The following NRXN3 variants were observed in gnomAD, a reference collection of about 807,000 sequenced individuals.
The protein encoded by NRXN3 is neurexin 3, also known as neurexin III.
In NRXN3, 32 loss-of-function variants were observed where a neutral mutation model predicts 137.6. That is an observed-to-expected ratio of 0.23 (90% CI 0.18 to 0.31). The LOEUF is 0.31. Ranked by LOEUF, NRXN3 falls within the 10% of genes least tolerant of loss-of-function variation. NRXN3 has a pLI of 1.00. For synonymous variants in NRXN3, 798 were observed against 784.5 expected (o/e 1.02, Z -0.29); for missense variants, 1,574 against 2,062.5 (o/e 0.76, Z 4.59).
rs141970962 is a variant in NRXN3, at chr14:78,519,032, G to T, written c.758-126088G>T. Among the ~76,000 whole-genome samples, 443 of 152,190 alleles carry T rather than the reference G, an allele frequency of 2.9e-3. 2 individuals are homozygous for T. Among genetic ancestry groups the T allele is most frequent in the African/African-American group, 0.01 (420 of 41,518 alleles). Reference sequence around the variant, plus strand: ...AGCCTATAAAGAAATATTCCTTTCAGATAGACTCTAGTATATAATATCATT... The same window carrying T: ...AGCCTATAAAGAAATATTCCTTTCATATAGACTCTAGTATATAATATCATT... On this transcript the variant is annotated intron_variant, in intron 4 of 20. Coordinates refer to ENST00000335750, the MANE Select transcript of NRXN3 (RefSeq NM_001330195.2).
Position 79,861,916 on chromosome 14 carries a change from G to A in NRXN3, c.4668G>A (p.Lys1556=), listed in dbSNP as rs1464752245. 1.2e-6 allele frequency: 2 copies of A among 1,613,770 alleles called. No homozygotes were observed. The highest frequency in any genetic ancestry group is 1.3e-5 in the African/African-American group (1 of 74,898). ...TLMKEKQQSS[K]SGHKKQKNKD... is the part of the protein sequence containing the mutation. ...TGAAGGAGAAGCAGCAGAGCTCGAA[G>A]AGCGGCCACAAGAAACAGAAAAACA... is the stretch of plus-strand genomic sequence containing the variant. The change falls in exon 21 of 21, where the codon AAG becomes AAA. Residue 1556 remains lysine, a synonymous_variant. Coordinates refer to ENST00000335750, the MANE Select transcript of NRXN3 (RefSeq NM_001330195.2). The surrounding 1 kb of genome is among the most constrained non-coding windows in gnomAD (Gnocchi z 5.4).
intron 4 of NRXN3, among the ~76,000 whole-genome samples, chr14:78,388,866 T>C (rs2090358324): frequency 6.6e-6 from 1 of 152,084 alleles, no homozygotes. Context: ...ATAGTCTTTA[T>C]TATTAATTAT....
intron 15 of NRXN3, among the ~76,000 whole-genome samples, chr14:79,000,611 C>T (rs2099539478): frequency 2.0e-5 from 3 of 152,128 alleles, no homozygotes; most frequent in Admixed American, 2.0e-4. Context: ...GTTCTTTCTC[C>T]TCTCCCTATC....
intron 15 of NRXN3, among the ~76,000 whole-genome samples, chr14:79,095,042 G>A (rs943807346): frequency 6.8e-6 from 1 of 147,338 alleles, no homozygotes; most frequent in Non-Finnish European, 1.5e-5. Context: ...CATCAAAATG[G>A]ACAGGTCATT....
At chr14:79,079,987 CAAAAG>C (rs968260246) in intron 15 of NRXN3, among the ~76,000 whole-genome samples, 1 of 151,984 alleles carries the variant, frequency 6.6e-6, no homozygotes, top group Admixed American at 6.6e-5. Flanking sequence ...GACTCCATCT[CAAAAG>C]AAAAAGTCAA....
intron 19 of NRXN3, among the ~76,000 whole-genome samples, chr14:79,770,086 T>C (rs2099071810): frequency 1.3e-5 from 2 of 151,628 alleles, no homozygotes; most frequent in South Asian, 2.1e-4. Context: ...ATCCTAAATA[T>C]ATATGCACCC....
At chr14:79,077,308 C>CG (rs912209173) in intron 15 of NRXN3, among the ~76,000 whole-genome samples, 23 of 152,164 alleles carry the variant, frequency 1.5e-4, no homozygotes, top group African/African-American at 4.8e-4. Flanking sequence ...ATAGAGCACA[C>CG]GGTGTGTTTA....
At chr14:79,158,944 CA>C (rs1441291525) in intron 15 of NRXN3, among the ~76,000 whole-genome samples, 1 of 151,772 alleles carries the variant, frequency 6.6e-6, no homozygotes, top group Non-Finnish European at 1.5e-5. Flanking sequence ...AAAACTCTCA[CA>C]AAATTGCTCG....
chr14:78,496,294 A>G (rs2095784394), intron 4 of NRXN3, among the ~76,000 whole-genome samples: 1 of 152,198 alleles, frequency 6.6e-6, no homozygotes, highest in Non-Finnish European at 1.5e-5. Flanking sequence ...AGCCTACAAA[A>G]TTTCTTCAGA....
chr14:78,754,486 T>C (rs2098658517), intron 8 of NRXN3, among the ~76,000 whole-genome samples: 1 of 152,240 alleles, frequency 6.6e-6, no homozygotes, highest in South Asian at 2.1e-4. Flanking sequence ...ACATATTTTC[T>C]CAAACACAAA....
rs566660795 is a variant in NRXN3, at chr14:78,255,563, A to G, written c.709+11761A>G. Among the ~76,000 whole-genome samples, 57 of 152,230 alleles carry G rather than the reference A, an allele frequency of 3.7e-4. No individual in the cohort carries two copies. In the Middle Eastern group the frequency reaches 0.01, roughly 27 times the overall value. On this transcript the variant is annotated intron_variant, in intron 2 of 20. Coordinates refer to ENST00000335750, the MANE Select transcript of NRXN3 (RefSeq NM_001330195.2). Reference sequence around the variant, plus strand: ...TCTCTTGGCTCCCTTTGGCTTTTCTATCCTTAATGCAAGTTGCGATTGCTC... The same window carrying G: ...TCTCTTGGCTCCCTTTGGCTTTTCTGTCCTTAATGCAAGTTGCGATTGCTC...
At chr14:78,370,088 A>G (rs2086582752) in intron 4 of NRXN3, among the ~76,000 whole-genome samples, 1 of 152,138 alleles carries the variant, frequency 6.6e-6, no homozygotes, top group African/African-American at 2.4e-5. Context: ...GATCTGTCAT[A>G]GTCATTCCCT....
intron 4 of NRXN3, among the ~76,000 whole-genome samples, chr14:78,575,179 T>A (rs76272330): frequency 6.3e-4 from 96 of 152,350 alleles, no homozygotes; most frequent in African/African-American, 2.3e-3. Flanking sequence ...CATGTGGAAC[T>A]GTGAGTCAAT....
chr14:79,531,726 A>T (rs2097171366), intron 16 of NRXN3, among the ~76,000 whole-genome samples: 1 of 152,228 alleles, frequency 6.6e-6, no homozygotes, highest in Non-Finnish European at 1.5e-5. Flanking sequence ...GGTTCGGACC[A>T]TGATATCCAG....
At chr14:78,267,856 G>C (rs1478592156) in intron 2 of NRXN3, among the ~76,000 whole-genome samples, 1 of 152,146 alleles carries the variant, frequency 6.6e-6, no homozygotes, top group African/African-American at 2.4e-5. Flanking sequence ...TCATAAGATT[G>C]GTGACTAACA....
chr14:79,406,378 C>G (rs2095312921), intron 15 of NRXN3, among the ~76,000 whole-genome samples: 1 of 151,910 alleles, frequency 6.6e-6, no homozygotes, highest in South Asian at 2.1e-4. Context: ...AATCCTGGCT[C>G]ACTCCAACTT....
chr14:79,661,886 C>T (rs577881446), intron 16 of NRXN3: 1 of 152,162 alleles, frequency 6.6e-6, no homozygotes, highest in South Asian at 2.1e-4. Flanking sequence ...TGGCTGTGTT[C>T]CCACGCAAAT....
At chr14:79,367,303 A>C (rs1188372745) in intron 15 of NRXN3, among the ~76,000 whole-genome samples, 2 of 152,150 alleles carry the variant, frequency 1.3e-5, no homozygotes, top group African/African-American at 4.8e-5. Context: ...GACTGACCAA[A>C]TTTCATGTGT....
intron 8 of NRXN3, among the ~76,000 whole-genome samples, chr14:78,771,138 G>A (rs1040221576): frequency 1.3e-5 from 2 of 152,212 alleles, no homozygotes; most frequent in African/African-American, 4.8e-5. Context: ...TGGCACCGCT[G>A]AGCAAGACCA....
Sources: allele counts gnomAD v4.1 joint callset (sites outside exome capture counted in the v4.1 genomes callset), GRCh38; gene constraint gnomAD v4.1.1; non-coding constraint Gnocchi (gnomAD v3.1); transcripts MANE v1.5; gene names NCBI Gene and HGNC (gene_info 2026-07-23, HGNC 2026-07-21).